The following TOGARAM1 variants were observed in gnomAD, a reference collection of about 807,000 sequenced individuals.
The protein encoded by TOGARAM1 is TOG array regulator of axonemal microtubules protein 1.
Under a neutral mutation model 166.6 loss-of-function variants are expected in TOGARAM1, and 100 were observed. The ratio of observed to expected loss-of-function variants is 0.60; its 90% confidence interval spans 0.51 to 0.71. TOGARAM1 has a LOEUF of 0.71. TOGARAM1 is among the 30% of genes least tolerant of loss of function. TOGARAM1 has a pLI of 0.00. For synonymous variants in TOGARAM1, 758 were observed against 763.8 expected (o/e 0.99, Z 0.13); for missense variants, 2,029 against 2,102.7 (o/e 0.96, Z 0.69).
intron 16 of TOGARAM1, among the ~76,000 whole-genome samples, chr14:45,060,163 C>A (rs1012174227): frequency 6.6e-6 from 1 of 151,236 alleles, no homozygotes; most frequent in Non-Finnish European, 1.5e-5. Flanking sequence ...TGTGATCTGC[C>A]CATCTCAGCC....
intron 19 of TOGARAM1, among the ~76,000 whole-genome samples, chr14:45,072,014 T>C (rs924641919): frequency 1.8e-4 from 28 of 152,140 alleles, no homozygotes; most frequent in African/African-American, 6.8e-4. Flanking sequence ...AAATGTTCAG[T>C]CCCCTATTAG....
rs749202663 is a variant in TOGARAM1, at chr14:44,963,618, A to G, written c.1197A>G (p.Leu399=). 9 of 1,613,408 alleles carry G rather than the reference A, an allele frequency of 5.6e-6. No individual in the cohort carries two copies. Among genetic ancestry groups the G allele is most frequent in the Non-Finnish European group, 7.6e-6 (9 of 1,179,990 alleles). ...HSSLVGFISL[L]YNLLDDSNFK... ...GTCTTGTTGGCTTCATTAGTTTGCT[A>G]TATAATTTGTTAGACGATTCTAACT... The change falls in exon 1 of 20, where the codon CTA becomes CTG. Residue 399 remains leucine, a synonymous_variant. Transcript: ENST00000361462.
intron 14 of TOGARAM1, among the ~76,000 whole-genome samples, chr14:45,051,636 T>G (rs1237925281): frequency 7.0e-6 from 1 of 143,540 alleles, no homozygotes. Context: ...CTCGGCTCAC[T>G]GCAACCTCCA....
intron 5 of TOGARAM1, chr14:45,006,510 C>T (rs1284988812): frequency 3.1e-6 from 1 of 320,600 alleles, no homozygotes; most frequent in Non-Finnish European, 5.8e-6. Context: ...TTTTTCTATG[C>T]ATACATTATT....
At chr14:45,035,056 C>G (rs887802833) in intron 11 of TOGARAM1, among the ~76,000 whole-genome samples, 4 of 152,064 alleles carry the variant, frequency 2.6e-5, no homozygotes, top group Non-Finnish European at 5.9e-5. Context: ...GCTATAATGT[C>G]TGAGATAGGA....
At position 44,962,574 on chromosome 14, in the gene TOGARAM1, T is replaced by A. The variant is rs757020931; in HGVS notation, c.153T>A (p.Arg51=). Reference sequence around the variant, plus strand: ...GAGGAGAGAAAAACTACTACTTCCGTGGAGCTGCGGGGGACCACGGTTCCT... The same window carrying A: ...GAGGAGAGAAAAACTACTACTTCCGAGGAGCTGCGGGGGACCACGGTTCCT... ...IMRGEKNYYF[R]GAAGDHGSCP... Residue 51 remains arginine, a synonymous_variant, in exon 1 of 20, where the codon CGT becomes CGA. Transcript: ENST00000361462. The A allele has an allele frequency of 6.8e-6, 11 of 1,613,810 alleles. No homozygotes were observed. The highest frequency in any genetic ancestry group is 7.6e-6 in the Non-Finnish European group (9 of 1,179,892).
At chr14:44,988,589 A>T (rs532503787) in intron 1 of TOGARAM1, among the ~76,000 whole-genome samples, 1 of 152,228 alleles carries the variant, frequency 6.6e-6, no homozygotes, top group Non-Finnish European at 1.5e-5. Flanking sequence ...CAGAAGTATT[A>T]TTGTTGAGTG....
chr14:45,001,899 G>A (rs1443550854), intron 3 of TOGARAM1, among the ~76,000 whole-genome samples: 1 of 152,070 alleles, frequency 6.6e-6, no homozygotes, highest in African/African-American at 2.4e-5. Context: ...AGGAATTTGG[G>A]GGTTGAAGGT....
At chr14:45,036,739 CA>C (rs1894939883) in intron 11 of TOGARAM1, among the ~76,000 whole-genome samples, 1 of 152,146 alleles carries the variant, frequency 6.6e-6, no homozygotes, top group African/African-American at 2.4e-5. Flanking sequence ...TCTCTTCTTT[CA>C]ATTTTCTTAG....
intron 1 of TOGARAM1, among the ~76,000 whole-genome samples, chr14:44,981,294 A>C (rs547307693): frequency 6.6e-6 from 1 of 152,222 alleles, no homozygotes. Flanking sequence ...TGTCCAGTGA[A>C]TGACATACAG....
intron 11 of TOGARAM1, among the ~76,000 whole-genome samples, chr14:45,032,724 A>T (rs1308613072): frequency 6.6e-6 from 1 of 152,188 alleles, no homozygotes; most frequent in African/African-American, 2.4e-5. Context: ...CTCCTATTGT[A>T]GTGATAGCAG....
At chr14:45,044,517 G>A in intron 12 of TOGARAM1, 118 bp from the exon 13 acceptor site, 1 of 710,960 alleles carries the variant, frequency 1.4e-6, no homozygotes, top group East Asian at 2.7e-5. Flanking sequence ...CTCCAGCCTG[G>A]TCGACAGAGC....
chr14:45,012,833 A>G (rs762744107), intron 7 of TOGARAM1, among the ~76,000 whole-genome samples: 5 of 152,280 alleles, frequency 3.3e-5, no homozygotes, highest in Non-Finnish European at 5.9e-5. Context: ...TTGCTCTTAA[A>G]TGTGTCTTAA....
At chr14:45,020,279 T>C (rs994575455) in intron 7 of TOGARAM1, among the ~76,000 whole-genome samples, 1 of 152,200 alleles carries the variant, frequency 6.6e-6, no homozygotes, top group Non-Finnish European at 1.5e-5. Flanking sequence ...TTGATTAACA[T>C]AATAACAGCA....
Position 44,962,428 on chromosome 14 carries a change from G to A in TOGARAM1, c.7G>A (p.Ala3Thr). 6.4e-7 allele frequency: 1 copy of A among 1,559,208 alleles called. No homozygotes were observed. The highest frequency in any genetic ancestry group is 8.7e-7 in the Non-Finnish European group (1 of 1,154,736). Residue 3 changes from alanine (A) to threonine (T), a missense_variant, in exon 1 of 20, where the codon GCT becomes ACT. Around this residue, in one of 2 missense-constraint regions of TOGARAM1, gnomAD observed 1,453 missense variants for 1,432.2 expected, o/e 1.01. Coordinates refer to ENST00000361462, the MANE Select transcript of TOGARAM1 (RefSeq NM_001308120.2). MA[A>T]APSALLLLPP... is the part of the protein sequence containing the mutation. ...CACCACCTGACAACCCTGCATGGCGGCTGCCCCCTCCGCGCTGCTTCTGCT... is the reference window on the plus strand; with the variant it reads ...CACCACCTGACAACCCTGCATGGCGACTGCCCCCTCCGCGCTGCTTCTGCT...
chr14:45,029,175 T>A (rs902563451), intron 10 of TOGARAM1, among the ~76,000 whole-genome samples: 10 of 152,278 alleles, frequency 6.6e-5, no homozygotes, highest in African/African-American at 2.4e-4. Flanking sequence ...GCTGAAGATG[T>A]CCCTAAAACC....
intron 1 of TOGARAM1, among the ~76,000 whole-genome samples, chr14:44,965,869 ATTTTTT>A (rs747983176): frequency 1.2e-4 from 14 of 120,492 alleles, no homozygotes; most frequent in Non-Finnish European, 1.9e-4. Flanking sequence ...ACAAATAGTA[ATTTTTT>A]TTTTTTTTTT....
rs538921961 is a variant in TOGARAM1, at chr14:44,979,980, C to G, written c.2046+15513C>G. ...CCTAATGAACCACTGAGCCTCAGAGCAAAGTATATTAGTGTTATAATATTG... is the reference window on the plus strand; with the variant it reads ...CCTAATGAACCACTGAGCCTCAGAGGAAAGTATATTAGTGTTATAATATTG... On this transcript the variant is annotated intron_variant, in intron 1 of 19. Transcript: ENST00000361462. 4.6e-5 allele frequency among the ~76,000 whole-genome samples: 7 copies of G among 152,080 alleles called. 1 individual carries two copies. The highest frequency in any genetic ancestry group is 1.3e-4 in the Admixed American group (2 of 15,270).
At chr14:44,976,358 C>T (rs1362017344) in intron 1 of TOGARAM1, among the ~76,000 whole-genome samples, 1 of 152,164 alleles carries the variant, frequency 6.6e-6, no homozygotes, top group Non-Finnish European at 1.5e-5. Flanking sequence ...ACATCTAATC[C>T]TTTGTTGCCT....
Sources: gnomAD v4.1 joint callset for allele counts (sites outside exome capture counted in the v4.1 genomes callset) on GRCh38, gnomAD v4.1.1 for gene constraint, gnomAD v4.1.1 regional missense constraint, MANE v1.5 for transcripts, NCBI Gene and HGNC (gene_info 2026-07-23, HGNC 2026-07-21) for gene names.